Variants in TMTC1 observed in about 807,000 individuals in gnomAD.
The protein encoded by TMTC1 is transmembrane O-mannosyltransferase targeting cadherins 1.
TMTC1 carries 73 observed loss-of-function variants against 104.8 expected under a neutral mutation model. That is an observed-to-expected ratio of 0.70 (90% CI 0.58 to 0.85). TMTC1 has a LOEUF of 0.85. Ranked by LOEUF, TMTC1 falls within the 40% of genes least tolerant of loss-of-function variation. The pLI is 0.00. For missense variants in TMTC1, 1,035 were observed against 1,096.1 expected (o/e 0.94, Z 0.79); for synonymous variants, 434 against 428.7 (o/e 1.01, Z -0.15).
chr12:29,770,977 T>G lies in TMTC1; in HGVS notation c.303-2902A>C, dbSNP rs185091900. 1.6e-3 allele frequency among the ~76,000 whole-genome samples: 242 copies of G among 152,180 alleles called. 1 individual carries two copies. Among genetic ancestry groups the G allele is most frequent in the Non-Finnish European group, 2.2e-3 (147 of 67,978 alleles). ...TAACAAAGGCGTTTATCAAAATCTC[T>G]CAAAATCTCCCTGCAAACAAGACAG... On this transcript the variant is annotated intron_variant, in intron 1 of 17. Coordinates refer to ENST00000539277, the MANE Select transcript of TMTC1 (RefSeq NM_001193451.2).
At chr12:29,520,365 T>C (rs1274817937) in intron 12 of TMTC1, among the ~76,000 whole-genome samples, 1 of 152,220 alleles carries the variant, frequency 6.6e-6, no homozygotes, top group Non-Finnish European at 1.5e-5. Context: ...TTGGGACTTA[T>C]TAAATCATAA....
intron 5 of TMTC1, among the ~76,000 whole-genome samples, chr12:29,736,143 A>C (rs1942666596): frequency 6.6e-6 from 1 of 151,986 alleles, no homozygotes; most frequent in African/African-American, 2.4e-5. Flanking sequence ...GAAAGCAGCC[A>C]ATATACAGAA....
chr12:29,714,017 C>T (rs563809976), intron 5 of TMTC1, among the ~76,000 whole-genome samples: 3 of 152,240 alleles, frequency 2.0e-5, no homozygotes, highest in South Asian at 2.1e-4. Context: ...CACCGGAGGG[C>T]ACAGTGTTCA....
intron 8 of TMTC1, among the ~76,000 whole-genome samples, chr12:29,574,833 A>T (rs1231168671): frequency 6.6e-6 from 1 of 152,206 alleles, no homozygotes; most frequent in Non-Finnish European, 1.5e-5. Flanking sequence ...CAATATATGA[A>T]TTTGAAGGGA....
intron 2 of TMTC1, among the ~76,000 whole-genome samples, chr12:29,766,519 T>C (rs1943467757): frequency 6.6e-6 from 1 of 152,156 alleles, no homozygotes; most frequent in African/African-American, 2.4e-5. Context: ...TGTGATGCCT[T>C]AATTGGAGAA....
At chr12:29,651,048 G>A (rs1003173506) in intron 5 of TMTC1, among the ~76,000 whole-genome samples, 1 of 152,136 alleles carries the variant, frequency 6.6e-6, no homozygotes, top group Non-Finnish European at 1.5e-5. Flanking sequence ...GGGGGGCTAC[G>A]CTTTCCAGCC....
At chr12:29,573,137 G>A (rs539672328) in intron 8 of TMTC1, among the ~76,000 whole-genome samples, 1 of 152,208 alleles carries the variant, frequency 6.6e-6, no homozygotes, top group East Asian at 1.9e-4. Flanking sequence ...GTGTTGAAAG[G>A]AAAACACATT....
intron 8 of TMTC1, among the ~76,000 whole-genome samples, chr12:29,573,235 T>C (rs1945730551): frequency 6.6e-6 from 1 of 152,180 alleles, no homozygotes; most frequent in Non-Finnish European, 1.5e-5. Context: ...TTTGAGTTGA[T>C]TATGACATGC....
At chr12:29,758,815 A>C (rs762548868) in intron 2 of TMTC1, 38 bp from the exon 3 acceptor site, 1 of 1,533,758 alleles carries the variant, frequency 6.5e-7, no homozygotes, top group South Asian at 1.2e-5. Flanking sequence ...AACTTCAGAC[A>C]ATTACTTTCA....
In TMTC1 at chr12:29,620,885, A is replaced by G. The variant is rs1438571768; in HGVS notation, c.1128+12262T>C. Among the ~76,000 whole-genome samples the G allele has an allele frequency of 3.1e-4, 47 of 152,204 alleles. 2 individuals are homozygous for G. The highest frequency in any genetic ancestry group is 3.1e-3 in the Admixed American group (47 of 15,280). ...CTGGGCTGGTCAAGTCTCAGACAGA[A>G]CAGCATCTCATACAATGGCTACTCT... On this transcript the variant is annotated intron_variant, in intron 6 of 17. Coordinates refer to ENST00000539277, the MANE Select transcript of TMTC1 (RefSeq NM_001193451.2).
At chr12:29,759,359 T>C (rs1943291470) in intron 2 of TMTC1, among the ~76,000 whole-genome samples, 1 of 152,074 alleles carries the variant, frequency 6.6e-6, no homozygotes. Context: ...TAGCCACGCA[T>C]GGTGGCACAT....
At position 29,514,653 on chromosome 12, in the gene TMTC1, A is replaced by G. The variant is rs560382492; in HGVS notation, c.2308-49T>C. 3 of 1,571,498 alleles carry G rather than the reference A, an allele frequency of 1.9e-6. No homozygotes were observed. The South Asian group carries it at 3.5e-5, about 18-fold the overall frequency. ...AGAATAAATGCAGATTAGGTAAAGA[A>G]AAACTTATTTAACTGATCAAATTTA... is the stretch of plus-strand genomic sequence containing the variant. On this transcript the variant is annotated intron_variant, in intron 15 of 17. Transcript: ENST00000539277.
chr12:29,712,297 C>T lies in TMTC1; in HGVS notation c.938+39369G>A, dbSNP rs933071300. Among the ~76,000 whole-genome samples, 8 of 152,290 alleles carry T rather than the reference C, an allele frequency of 5.3e-5. No individual in the cohort carries two copies. The South Asian group carries it at 8.3e-4, about 16-fold the overall frequency. Reference sequence around the variant, plus strand: ...ATTCAAATGTTCAAACAGGCTAACACCTCAAGAAAACATCTAACCACAACA... The same window carrying T: ...ATTCAAATGTTCAAACAGGCTAACATCTCAAGAAAACATCTAACCACAACA... On this transcript the variant is annotated intron_variant, in intron 5 of 17. Transcript: ENST00000539277.
At position 29,722,920 on chromosome 12, in the gene TMTC1, C is replaced by CAAAAA. The variant is rs60730102; in HGVS notation, c.938+28741_938+28745dup. 1.6e-3 allele frequency among the ~76,000 whole-genome samples: 168 copies of CAAAAA among 104,472 alleles called. 2 individuals carry two copies. The highest frequency in any genetic ancestry group is 3.3e-3 in the South Asian group (9 of 2,708). 68.5% of individuals were successfully genotyped at this position (104,472 alleles called of 152,430 possible). On this transcript the variant is annotated intron_variant, in intron 5 of 17. Transcript: ENST00000539277. ...TGAGCAACAGAGCAAGACTCTGTCT[C>CAAAAA]AAAAAAAAAAAAAAAGGAAGAAAGA...
Position 29,768,009 on chromosome 12 carries a change from G to A in TMTC1, c.369C>T (p.Cys123=). The A allele has an allele frequency of 6.2e-7, 1 of 1,613,734 alleles. No individual in the cohort carries two copies. Among genetic ancestry groups the A allele is most frequent in the Non-Finnish European group, 8.5e-7 (1 of 1,179,814 alleles). The change falls in exon 2 of 18, where the codon TGC becomes TGT. Residue 123 remains cysteine, a synonymous_variant. Transcript: ENST00000539277. ...YFHAVNIILH[C]LVTLVLMYTC... is the part of the protein sequence containing the mutation. Reference sequence around the variant, plus strand: ...TGTACATCAGCACAAGAGTCACTAAGCAGTGTAAAATTATATTTACTGCAT... The same window carrying A: ...TGTACATCAGCACAAGAGTCACTAAACAGTGTAAAATTATATTTACTGCAT...
At position 29,517,526 on chromosome 12, in the gene TMTC1, T is replaced by A; in HGVS notation, c.2070A>T (p.Gly690=). The A allele has an allele frequency of 6.2e-7, 1 of 1,614,142 alleles. No homozygotes were observed. The stretch of plus-strand genomic sequence containing the variant: ...ATCGGCCAGTGTTGTAATACAGTGC[T>A]CCCAAAGGTGACAATATCTCAGCTT... ...AHKAEILSPL[G]ALYYNTGRYE... The change falls in exon 14 of 18, where the codon GGA becomes GGT. Residue 690 remains glycine (G), a synonymous_variant. Coordinates refer to ENST00000539277, the MANE Select transcript of TMTC1 (RefSeq NM_001193451.2).
chr12:29,517,341 TC>T, intron 14 of TMTC1, 85 bp downstream of exon 14: 1 of 1,462,560 alleles, frequency 6.8e-7, no homozygotes, highest in Non-Finnish European at 9.4e-7. Context: ...GCATTCCAGC[TC>T]CAGTTTTGAG....
At chr12:29,754,678 C>T (rs913299941) in intron 4 of TMTC1, among the ~76,000 whole-genome samples, 7 of 152,064 alleles carry the variant, frequency 4.6e-5, no homozygotes, top group Non-Finnish European at 1.0e-4. Context: ...TTTCTTGGCA[C>T]GAGTTTGGGT....
chr12:29,665,867 T>A (rs1203683543), intron 5 of TMTC1, among the ~76,000 whole-genome samples: 1 of 152,192 alleles, frequency 6.6e-6, no homozygotes, highest in African/African-American at 2.4e-5. Context: ...TTAGGAATAA[T>A]CCTGTTAGGT....
Sources: gnomAD v4.1 joint callset for allele counts (sites outside exome capture counted in the v4.1 genomes callset) on GRCh38, gnomAD v4.1.1 for gene constraint, MANE v1.5 for transcripts, NCBI Gene and HGNC (gene_info 2026-07-23, HGNC 2026-07-21) for gene names.